KPNA6: variants seen among roughly 807,000 people sequenced by gnomAD.
KPNA6 encodes the protein importin subunit alpha-7.
A neutral mutation model predicts 72.0 loss-of-function variants in KPNA6; 9 were observed. That is an observed-to-expected ratio of 0.13 (90% CI 0.08 to 0.22). The LOEUF is 0.22. Among genes scored for constraint, KPNA6 ranks in the 10% least tolerant of loss-of-function variants. KPNA6 has a pLI of 1.00. For synonymous variants in KPNA6, 219 were observed against 242.1 expected, an observed-to-expected ratio of 0.90 and a Z score of 0.89; for missense variants, 374 against 655.7, an observed-to-expected ratio of 0.57 and a Z score of 4.69.
chr1:32,118,897 G>A (rs1442402130), intron 1 of KPNA6, among the ~76,000 whole-genome samples: 2 of 149,170 alleles, frequency 1.3e-5, no homozygotes, highest in East Asian at 2.0e-4. Flanking sequence ...CACATAGTAA[G>A]TACTCAATAA....
At chr1:32,127,535 G>A (rs1339559255) in intron 1 of KPNA6, among the ~76,000 whole-genome samples, 3 of 152,228 alleles carry the variant, frequency 2.0e-5, no homozygotes, top group African/African-American at 7.2e-5. Flanking sequence ...GTTGCTAAGA[G>A]CTAAAAGGAA....
chr1:32,174,692 G>C lies in KPNA6; in HGVS notation c.*3798G>C, dbSNP rs555478270. Reference sequence around the variant, plus strand: ...AAGACAGGGAGCCAATTTCCCCCAGGTCCCTGCAGGTAATCCAGGGACCCC... The same window carrying C: ...AAGACAGGGAGCCAATTTCCCCCAGCTCCCTGCAGGTAATCCAGGGACCCC... On this transcript the variant is annotated 3_prime_UTR_variant, in exon 14 of 14. Transcript: ENST00000373625. 6.6e-6 allele frequency: 1 copy of C among 152,242 alleles called. No homozygotes were observed. Among genetic ancestry groups the C allele is most frequent in the South Asian group, 2.1e-4 (1 of 4,826 alleles). 9.4% of individuals were successfully genotyped at this position (152,242 alleles called of 1,614,324 possible).
At chr1:32,132,788 AGC>A (rs1641662295) in intron 1 of KPNA6, among the ~76,000 whole-genome samples, 1 of 152,162 alleles carries the variant, frequency 6.6e-6, no homozygotes. Flanking sequence ...CTGTAGTCCC[AGC>A]TACTCCGGAG....
At chr1:32,166,642 AAG>A (rs1244543408) in intron 11 of KPNA6, among the ~76,000 whole-genome samples, 105 of 136,718 alleles carry the variant, frequency 7.7e-4, no homozygotes, top group African/African-American at 2.7e-3. Flanking sequence ...AAAAAAAAAA[AAG>A]AGGGGCTGGG....
chr1:32,169,954 A>C lies in KPNA6; in HGVS notation c.1317A>C (p.Gln439His). Reference sequence around the variant, plus strand: ...CTGTAATGGATTCGAAGATTGTGCAAGTGGCCCTCAATGGACTGGAGAACA... The same window carrying C: ...CTGTAATGGATTCGAAGATTGTGCACGTGGCCCTCAATGGACTGGAGAACA... ...LLTVMDSKIV[Q>H]VALNGLENIL... The change falls in exon 13 of 14, where the codon CAA becomes CAC. Residue 439 changes from glutamine to histidine, a missense_variant. Coordinates refer to ENST00000373625, the MANE Select transcript of KPNA6 (RefSeq NM_012316.5). The C allele has an allele frequency of 6.2e-7, 1 of 1,614,048 alleles. No individual in the cohort carries two copies. Among genetic ancestry groups the C allele is most frequent in the African/African-American group, 1.3e-5 (1 of 74,990 alleles).
intron 2 of KPNA6, among the ~76,000 whole-genome samples, chr1:32,155,832 C>T (rs758701724): frequency 4.6e-5 from 7 of 151,484 alleles, no homozygotes; most frequent in Non-Finnish European, 8.8e-5. Flanking sequence ...CTCAAGCTCC[C>T]GGGCTCAAGT....
chr1:32,124,221 T>C (rs1285647820), intron 1 of KPNA6, among the ~76,000 whole-genome samples: 2 of 151,370 alleles, frequency 1.3e-5, no homozygotes, highest in Non-Finnish European at 2.9e-5. Context: ...GAAAATACAG[T>C]AATTAGCGGT....
chr1:32,168,528 G>A (rs976867588), intron 12 of KPNA6, among the ~76,000 whole-genome samples: 2 of 152,206 alleles, frequency 1.3e-5, no homozygotes, highest in Admixed American at 6.5e-5. Flanking sequence ...AACATTAGTG[G>A]AAAGTGGTGG....
intron 3 of KPNA6, 94 bp from the exon 4 acceptor site, chr1:32,157,252 A>G: frequency 1.1e-6 from 1 of 910,552 alleles, no homozygotes; most frequent in East Asian, 2.5e-5. Flanking sequence ...TCTTGCCCTC[A>G]GTTTTTTAGA....
intron 1 of KPNA6, among the ~76,000 whole-genome samples, chr1:32,120,208 CTG>C (rs909312346): frequency 6.6e-6 from 1 of 151,176 alleles, no homozygotes; most frequent in African/African-American, 2.4e-5. Context: ...TACGTAGTCT[CTG>C]TATTTTACAA....
At chr1:32,111,053 A>C (rs1034547242) in intron 1 of KPNA6, among the ~76,000 whole-genome samples, 3 of 152,144 alleles carry the variant, frequency 2.0e-5, no homozygotes, top group Non-Finnish European at 4.4e-5. Flanking sequence ...GGCCTTTCTT[A>C]GTAGCTGGAG....
At chr1:32,109,538 G>A (rs985951771) in intron 1 of KPNA6, among the ~76,000 whole-genome samples, 1 of 151,802 alleles carries the variant, frequency 6.6e-6, no homozygotes, top group African/African-American at 2.4e-5. Flanking sequence ...GGAGAAAAGG[G>A]GAAAAAAGCT....
At chr1:32,115,237 G>A (rs1368904844) in intron 1 of KPNA6, among the ~76,000 whole-genome samples, 3 of 151,882 alleles carry the variant, frequency 2.0e-5, no homozygotes, top group East Asian at 1.9e-4. Flanking sequence ...CCGGGTTCAC[G>A]CCATTCTCCT....
intron 12 of KPNA6, among the ~76,000 whole-genome samples, chr1:32,167,859 A>AC (rs969732320): frequency 1.1e-4 from 16 of 148,228 alleles, no homozygotes; most frequent in African/African-American, 4.2e-4. Context: ...GTCACAAAAA[A>AC]AAAAAAAAAC....
At chr1:32,109,043 A>G (rs1641197594) in intron 1 of KPNA6, among the ~76,000 whole-genome samples, 1 of 152,230 alleles carries the variant, frequency 6.6e-6, no homozygotes, top group Non-Finnish European at 1.5e-5. Flanking sequence ...TGTACAACCT[A>G]AGGAAATAGA....
chr1:32,140,949 C>CT (rs900562413), intron 1 of KPNA6, among the ~76,000 whole-genome samples: 2 of 152,158 alleles, frequency 1.3e-5, no homozygotes, highest in Non-Finnish European at 2.9e-5. Context: ...TCTGTGAAAT[C>CT]TTTGGATTTA....
intron 1 of KPNA6, among the ~76,000 whole-genome samples, chr1:32,111,893 C>T (rs1189062652): frequency 6.6e-6 from 1 of 152,202 alleles, no homozygotes; most frequent in Admixed American, 6.5e-5. Flanking sequence ...TTCTGACCCT[C>T]TAGCAGAGAC....
At chr1:32,113,414 T>G (rs946259707) in intron 1 of KPNA6, among the ~76,000 whole-genome samples, 12 of 152,194 alleles carry the variant, frequency 7.9e-5, no homozygotes, top group African/African-American at 2.9e-4. Context: ...AAATCCTTTG[T>G]TGTCATTTCA....
chr1:32,160,089 G>A (rs1199696768), intron 6 of KPNA6, among the ~76,000 whole-genome samples: 1 of 152,120 alleles, frequency 6.6e-6, no homozygotes, highest in Non-Finnish European at 1.5e-5. Flanking sequence ...ACGAGGTCAG[G>A]AGTTCAAGAC....
Sources: allele counts gnomAD v4.1 joint callset (sites outside exome capture counted in the v4.1 genomes callset), GRCh38; gene constraint gnomAD v4.1.1; transcripts MANE v1.5; gene names NCBI Gene and HGNC (gene_info 2026-07-23, HGNC 2026-07-21).